Variants in TRPC3 observed in about 807,000 individuals in gnomAD.
TRPC3 encodes the protein transient receptor potential cation channel subfamily C member 3, also known as short transient receptor potential channel 3.
In TRPC3, 54 loss-of-function variants were observed where a neutral mutation model predicts 90.9. The observed-to-expected ratio is 0.59, with a 90% confidence interval of 0.48 to 0.75. The LOEUF is 0.75. Ranked by LOEUF, TRPC3 falls within the 30% of genes least tolerant of loss-of-function variation. TRPC3 has a pLI of 0.00. For missense variants in TRPC3, 918 were observed against 1,194.5 expected (o/e 0.77, Z 3.41); for synonymous variants, 424 against 450.9 (o/e 0.94, Z 0.75).
chr4:121,911,628 A>G (rs1339339963), intron 5 of TRPC3, among the ~76,000 whole-genome samples: 4 of 152,302 alleles, frequency 2.6e-5, no homozygotes, highest in African/African-American at 9.6e-5. Flanking sequence ...TTGAAGTTAG[A>G]TTTCTGAAAC....
intron 1 of TRPC3, among the ~76,000 whole-genome samples, chr4:121,933,735 C>T (rs1730034196): frequency 6.6e-6 from 1 of 152,148 alleles, no homozygotes; most frequent in African/African-American, 2.4e-5. Context: ...CTCAGCCTCC[C>T]AAGTAGCTAG....
intron 10 of TRPC3, among the ~76,000 whole-genome samples, chr4:121,883,076 C>A (rs1428984041): frequency 2.0e-5 from 3 of 151,994 alleles, no homozygotes; most frequent in African/African-American, 7.2e-5. Context: ...TCTAGGATAA[C>A]TGTTTACCCA....
At chr4:121,947,660 A>T (rs536267555) in intron 1 of TRPC3, among the ~76,000 whole-genome samples, 1 of 152,322 alleles carries the variant, frequency 6.6e-6, no homozygotes, top group African/African-American at 2.4e-5. Context: ...ACAATGATTT[A>T]AAAAACTGCT....
intron 10 of TRPC3, among the ~76,000 whole-genome samples, chr4:121,890,415 T>C (rs890333769): frequency 6.6e-6 from 1 of 152,102 alleles, no homozygotes; most frequent in African/African-American, 2.4e-5. Context: ...TGTATTGAAA[T>C]ATCACACTGT....
rs992424029 is a variant in TRPC3 at position 121,878,057 on chromosome 4, C to T, written c.*1679G>A. On this transcript the variant is annotated 3_prime_UTR_variant, in exon 12 of 12. Transcript: ENST00000379645. ...CTATTATAGAAACTTTGTATCTTTACTATCTTAACATATGGTAACATATAA... is the reference window on the plus strand; with the variant it reads ...CTATTATAGAAACTTTGTATCTTTATTATCTTAACATATGGTAACATATAA... 1.3e-5 allele frequency among the ~76,000 whole-genome samples: 2 copies of T among 152,154 alleles called. No homozygotes were observed. Among genetic ancestry groups the T allele is most frequent in the African/African-American group, 2.4e-5 (1 of 41,438 alleles).
At chr4:121,950,039 C>T (rs1416875491) in intron 1 of TRPC3, among the ~76,000 whole-genome samples, 1 of 152,188 alleles carries the variant, frequency 6.6e-6, no homozygotes, top group Non-Finnish European at 1.5e-5. Flanking sequence ...TGTTTTAAAA[C>T]CTTAGGGAGA....
At chr4:121,927,038 T>A (rs1362020116) in intron 2 of TRPC3, among the ~76,000 whole-genome samples, 4 of 151,930 alleles carry the variant, frequency 2.6e-5, no homozygotes, top group Admixed American at 2.0e-4. Context: ...ATACAGAGGG[T>A]TTTTTGTTTG....
At chr4:121,900,523 A>AT (rs1167924215) in intron 9 of TRPC3, among the ~76,000 whole-genome samples, 2 of 152,202 alleles carry the variant, frequency 1.3e-5, no homozygotes, top group African/African-American at 4.8e-5. Context: ...TTCTCTTACA[A>AT]TTGTGCCTGG....
chr4:121,902,367 T>C (rs937822228), intron 9 of TRPC3, among the ~76,000 whole-genome samples: 3 of 152,166 alleles, frequency 2.0e-5, no homozygotes, highest in Non-Finnish European at 2.9e-5. Flanking sequence ...GTATTTATGG[T>C]TATTTGAGGA....
intron 10 of TRPC3, among the ~76,000 whole-genome samples, chr4:121,886,190 G>A (rs1214070499): frequency 1.3e-5 from 2 of 152,090 alleles, no homozygotes; most frequent in Non-Finnish European, 1.5e-5. Flanking sequence ...TTCTCACTTG[G>A]TATTTTTACT....
chr4:121,903,738 T>C (rs2149119264), intron 8 of TRPC3, among the ~76,000 whole-genome samples: 1 of 152,282 alleles, frequency 6.6e-6, no homozygotes, highest in South Asian at 2.1e-4. Flanking sequence ...GACCAAAACT[T>C]CTACTTTGAG....
intron 2 of TRPC3, 82 bp from the exon 3 acceptor site, chr4:121,925,288 T>C: frequency 1.4e-6 from 2 of 1,413,842 alleles, no homozygotes; most frequent in Non-Finnish European, 1.9e-6. Flanking sequence ...TAGAAAAAGG[T>C]ATCCCTTCTT....
intron 1 of TRPC3, among the ~76,000 whole-genome samples, chr4:121,949,702 A>T (rs1730618288): frequency 6.6e-6 from 1 of 152,216 alleles, no homozygotes. Flanking sequence ...CTTAAAAATG[A>T]CTGGGTCTTC....
intron 8 of TRPC3, among the ~76,000 whole-genome samples, chr4:121,903,933 A>C (rs944512846): frequency 6.6e-6 from 1 of 152,184 alleles, no homozygotes; most frequent in Non-Finnish European, 1.5e-5. Context: ...AGAATACTCA[A>C]AATTTTGACT....
chr4:121,887,246 A>G (rs1464362738), intron 10 of TRPC3, among the ~76,000 whole-genome samples: 3 of 152,114 alleles, frequency 2.0e-5, no homozygotes, highest in Admixed American at 6.6e-5. Context: ...CATTGCATTT[A>G]TATTTATTTC....
chr4:121,882,248 C>T, intron 11 of TRPC3, 106 bp downstream of exon 11: 1 of 965,502 alleles, frequency 1.0e-6, no homozygotes, highest in Admixed American at 2.8e-5. Context: ...TAGAGGCATC[C>T]AAACTATAAC....
At position 121,902,551 on chromosome 4, in the gene TRPC3, C is replaced by T. The variant is rs575037789; in HGVS notation, c.2463+301G>A. Among the ~76,000 whole-genome samples the T allele has an allele frequency of 5.9e-5, 9 of 152,188 alleles. No homozygotes were observed. The East Asian group carries it at 1.7e-3, about 29-fold the overall frequency. On this transcript the variant is annotated intron_variant, in intron 9 of 11. Transcript: ENST00000379645. Reference sequence around the variant, plus strand: ...TAACAGTTGAGAAGCATGGAACATACAAAAACAAAGTGTTTTCTAACAGTG... The same window carrying T: ...TAACAGTTGAGAAGCATGGAACATATAAAAACAAAGTGTTTTCTAACAGTG...
intron 10 of TRPC3, 138 bp downstream of exon 10, chr4:121,899,474 T>C: frequency 5.6e-6 from 3 of 538,196 alleles, no homozygotes; most frequent in Admixed American, 7.5e-5. Context: ...TTGAATCATT[T>C]TCTTTGTTCT....
chr4:121,911,603 C>T (rs917245159), intron 5 of TRPC3, among the ~76,000 whole-genome samples: 3 of 152,128 alleles, frequency 2.0e-5, no homozygotes, highest in African/African-American at 7.2e-5. Context: ...TTAAAACTTA[C>T]ATCTTGTTCA....
Sources: gnomAD v4.1 joint callset for allele counts (sites outside exome capture counted in the v4.1 genomes callset) on GRCh38, gnomAD v4.1.1 for gene constraint, MANE v1.5 for transcripts, NCBI Gene and HGNC (gene_info 2026-07-23, HGNC 2026-07-21) for gene names.